Variants in CSMD1 observed in about 807,000 individuals in gnomAD.
CSMD1 encodes CUB and sushi domain-containing protein 1.
A neutral mutation model predicts 417.5 loss-of-function variants in CSMD1; 213 were observed. The observed-to-expected ratio is 0.51, with a 90% confidence interval of 0.46 to 0.57. CSMD1 has a LOEUF of 0.57. Among genes scored for constraint, CSMD1 ranks in the 20% least tolerant of loss-of-function variants. CSMD1 has a pLI of 0.00. For missense variants in CSMD1, 6,923 were observed against 4,529.7 expected (o/e 1.53, Z -15.17); for synonymous variants, 2,862 against 1,736.8 (o/e 1.65, Z -16.11).
intron 54 of CSMD1, among the ~76,000 whole-genome samples, chr8:2,995,178 G>C (rs1054350152): frequency 1.3e-5 from 2 of 152,182 alleles, no homozygotes; most frequent in African/African-American, 4.8e-5. Context: ...AAGAACTCTT[G>C]AAACTCAGTC....
At chr8:3,328,340 C>G (rs144815478) in intron 23 of CSMD1, among the ~76,000 whole-genome samples, 1 of 152,200 alleles carries the variant, frequency 6.6e-6, no homozygotes, top group African/African-American at 2.4e-5. Context: ...TAAGGCACCT[C>G]TGCTTCCTCT....
At chr8:4,539,064 G>A (rs1296874395) in intron 2 of CSMD1, among the ~76,000 whole-genome samples, 1 of 152,182 alleles carries the variant, frequency 6.6e-6, no homozygotes, top group African/African-American at 2.4e-5. Context: ...CCAGAAAAAT[G>A]TGTGGCTTTT....
chr8:3,375,425 C>G (rs752263213), intron 18 of CSMD1, among the ~76,000 whole-genome samples: 7 of 152,054 alleles, frequency 4.6e-5, no homozygotes, highest in Non-Finnish European at 1.0e-4. Context: ...TCTTGTTCTC[C>G]TGAAACCACA....
In CSMD1 at chr8:4,563,796, C is replaced by T. The variant is rs73661538; in HGVS notation, c.302+73546G>A. 7.0e-4 allele frequency among the ~76,000 whole-genome samples: 106 copies of T among 152,164 alleles called. 1 individual carries two copies. Among genetic ancestry groups the T allele is most frequent in the African/African-American group, 2.4e-3 (100 of 41,492 alleles). On this transcript the variant is annotated intron_variant, in intron 2 of 69. Coordinates refer to ENST00000635120, the MANE Select transcript of CSMD1 (RefSeq NM_033225.6). ...AGCCCTGTCCTAAATGTTTCTGTCCCCAATGTGTGGCCCTGTCCTCAATGT... is the reference window on the plus strand; with the variant it reads ...AGCCCTGTCCTAAATGTTTCTGTCCTCAATGTGTGGCCCTGTCCTCAATGT...
intron 2 of CSMD1, among the ~76,000 whole-genome samples, chr8:4,532,878 G>A (rs765823202): frequency 3.5e-4 from 51 of 147,812 alleles, no homozygotes; most frequent in Non-Finnish European, 6.1e-4. Context: ...CACTCCGGAA[G>A]AGAAATCCTG....
chr8:4,169,487 C>G (rs1005488129), intron 3 of CSMD1, among the ~76,000 whole-genome samples: 1 of 152,166 alleles, frequency 6.6e-6, no homozygotes, highest in Non-Finnish European at 1.5e-5. Context: ...ATTCTGACCA[C>G]CTCTACTGCG....
At chr8:4,753,835 C>T (rs1280176450) in intron 1 of CSMD1, among the ~76,000 whole-genome samples, 2 of 152,162 alleles carry the variant, frequency 1.3e-5, no homozygotes, top group African/African-American at 2.4e-5. Context: ...GTTATTATTT[C>T]GCACTGTGAT....
intron 3 of CSMD1, among the ~76,000 whole-genome samples, chr8:4,370,660 C>T (rs1181952531): frequency 8.5e-5 from 13 of 152,226 alleles, no homozygotes; most frequent in African/African-American, 2.9e-4. Flanking sequence ...TTTGTATGCT[C>T]ACGTTGCTTC....
At chr8:4,977,699 G>T (rs1314143318) in intron 1 of CSMD1, among the ~76,000 whole-genome samples, 1 of 152,184 alleles carries the variant, frequency 6.6e-6, no homozygotes, top group Admixed American at 6.5e-5. Flanking sequence ...GCCTCCTAAG[G>T]AGGTCCCATT....
intron 26 of CSMD1, among the ~76,000 whole-genome samples, chr8:3,255,246 G>A (rs986087839): frequency 1.3e-5 from 2 of 152,032 alleles, no homozygotes; most frequent in Non-Finnish European, 2.9e-5. Context: ...TCTCAGGGGT[G>A]TACCCAGCCG....
chr8:3,618,301 A>G (rs191642831), intron 7 of CSMD1, among the ~76,000 whole-genome samples: 3 of 152,304 alleles, frequency 2.0e-5, no homozygotes, highest in East Asian at 3.9e-4. Context: ...AACCACACCC[A>G]GTCAAAATTT....
chr8:4,168,504 G>A (rs563358053), intron 3 of CSMD1, among the ~76,000 whole-genome samples: 2 of 151,980 alleles, frequency 1.3e-5, no homozygotes, highest in Non-Finnish European at 2.9e-5. Flanking sequence ...GCTCTAACAT[G>A]CAACACTAGA....
At chr8:3,038,374 A>G (rs530191289) in intron 50 of CSMD1, among the ~76,000 whole-genome samples, 8 of 152,362 alleles carry the variant, frequency 5.3e-5, no homozygotes, top group African/African-American at 1.7e-4. Flanking sequence ...TTTGAAAAAT[A>G]GTATGACTGA....
chr8:4,304,323 T>A (rs1363414184), intron 3 of CSMD1, among the ~76,000 whole-genome samples: 1 of 152,238 alleles, frequency 6.6e-6, no homozygotes, highest in Non-Finnish European at 1.5e-5. Context: ...ATATTTATTT[T>A]GTATGTCAAA....
intron 5 of CSMD1, among the ~76,000 whole-genome samples, chr8:3,824,062 C>G (rs938501964): frequency 1.3e-5 from 2 of 152,030 alleles, no homozygotes; most frequent in Admixed American, 6.6e-5. Flanking sequence ...ATTCTTCATC[C>G]TGGTGATTTG....
intron 3 of CSMD1, among the ~76,000 whole-genome samples, chr8:4,337,104 G>A (rs550178433): frequency 5.3e-5 from 8 of 152,186 alleles, no homozygotes; most frequent in South Asian, 4.1e-4. Context: ...TTGCGGCCAC[G>A]TACAGGAGAC....
At chr8:4,989,928 G>A (rs1811374558) in intron 1 of CSMD1, among the ~76,000 whole-genome samples, 1 of 152,186 alleles carries the variant, frequency 6.6e-6, no homozygotes, top group South Asian at 2.1e-4. Context: ...GAGTAAGGAA[G>A]CATTGCCCCC....
At chr8:4,425,889 C>A (rs1585054713) in intron 2 of CSMD1, among the ~76,000 whole-genome samples, 1 of 151,984 alleles carries the variant, frequency 6.6e-6, no homozygotes, top group East Asian at 1.9e-4. Context: ...CAAAATATGA[C>A]ATATGTTACT....
intron 2 of CSMD1, among the ~76,000 whole-genome samples, chr8:4,561,735 T>C (rs1798341384): frequency 6.6e-6 from 1 of 152,050 alleles, no homozygotes; most frequent in South Asian, 2.1e-4. Flanking sequence ...AAAGAGAACA[T>C]CACTGAAAGC....
Sources: allele counts gnomAD v4.1 joint callset (sites outside exome capture counted in the v4.1 genomes callset), GRCh38; gene constraint gnomAD v4.1.1; transcripts MANE v1.5; gene names NCBI Gene and HGNC (gene_info 2026-07-23, HGNC 2026-07-21).